The following HIVEP1 variants were observed in gnomAD, a reference collection of about 807,000 sequenced individuals.
HIVEP1 encodes the protein HIVEP zinc finger 1.
HIVEP1 carries 36 observed loss-of-function variants against 180.0 expected under a neutral mutation model. The observed-to-expected ratio is 0.20, with a 90% CI of 0.15 to 0.26. HIVEP1 has a LOEUF of 0.26. Ranked by LOEUF, HIVEP1 falls within the 10% of genes least tolerant of loss-of-function variation. The pLI is 1.00. For missense variants in HIVEP1, 3,143 were observed against 3,268.7 expected, an observed-to-expected ratio of 0.96 and a Z score of 0.94; for synonymous variants, 1,239 against 1,239.0, an observed-to-expected ratio of 1.00 and a Z score of 0.00.
intron 7 of HIVEP1, among the ~76,000 whole-genome samples, chr6:12,159,779 A>G (rs528645025): frequency 4.6e-5 from 7 of 152,348 alleles, no homozygotes; most frequent in Admixed American, 3.3e-4. Flanking sequence ...GCCTTATGAA[A>G]TCACATGCTA....
At chr6:12,168,064 CATATATATGTGT>C (rs1392507001), downstream of HIVEP1, among the ~76,000 whole-genome samples, 12,616 of 21,418 alleles carry the variant, frequency 0.59, 5,273 homozygotes, top group East Asian at 0.89. Context: ...TGTATATATA[CATATATATGTGT>C]ATATATACAT....
In HIVEP1 at chr6:12,017,461, C is replaced by T. The variant is rs117949354; in HGVS notation, c.40+1793C>T. 1.9e-3 allele frequency among the ~76,000 whole-genome samples: 291 copies of T among 152,324 alleles called. 8 individuals carry two copies. The East Asian group carries it at 0.046, about 24-fold the overall frequency. On this transcript the variant is annotated intron_variant, in intron 2 of 8. Coordinates refer to ENST00000379388, the MANE Select transcript of HIVEP1 (RefSeq NM_002114.4). ...ATAAAGGCAGTACAGACTCAAAGAG[C>T]AAGCAGTAGCAAGATTTATTGCAAA...
chr6:12,206,221 C>T, the HIVEP1 span, among the ~76,000 whole-genome samples: 1 of 152,128 alleles, frequency 6.6e-6, no homozygotes, highest in African/African-American at 2.4e-5. Flanking sequence ...GCAACCTCCA[C>T]CTCCTGATTT....
rs896245350 is a variant in HIVEP1 at position 12,125,302 on chromosome 6, C to A, written c.5507C>A (p.Ala1836Asp). ...EAVNLTNVLP[A>D]DNSSTGCSKF... ...GTTAATTTGACAAATGTTTTACCAG[C>A]TGATAATTCATCAACAGGATGCTCT... Residue 1836 changes from alanine (A) to aspartate (D), a missense_variant, in exon 4 of 9, where the codon GCT (alanine) becomes GAT (aspartate). Physicochemically the swap from Ala to Asp is moderately radical, Grantham distance 126. Transcript: ENST00000379388. The A allele has an allele frequency of 6.2e-7, 1 of 1,613,730 alleles. No individual in the cohort carries two copies. The highest frequency in any genetic ancestry group is 1.3e-5 in the African/African-American group (1 of 75,018).
chr6:12,120,046 T>C lies in HIVEP1; in HGVS notation c.251T>C (p.Phe84Ser). Residue 84 changes from phenylalanine to serine, a missense_variant, in exon 4 of 9, where the codon TTC becomes TCC. This residue lies in a region of HIVEP1 where 114 missense variants were observed against 134.5 expected (regional missense o/e 0.85). Coordinates refer to ENST00000379388, the MANE Select transcript of HIVEP1 (RefSeq NM_002114.4). ...AAACAAAATACAGAAGAGTCATCTT[T>C]CGCCGTTCTTCATAGTGCTTCGGAG... ...KHKQNTEESSFAVLHSASESH... is the reference protein window; with the variant it reads ...KHKQNTEESSSAVLHSASESH... 1 of 1,613,104 alleles carries C rather than the reference T, an allele frequency of 6.2e-7. No individual in the cohort carries two copies. Among genetic ancestry groups the C allele is most frequent in the Non-Finnish European group, 8.5e-7 (1 of 1,179,772 alleles).
intron 2 of HIVEP1, among the ~76,000 whole-genome samples, chr6:12,071,873 C>T (rs556962439): frequency 6.6e-6 from 1 of 152,254 alleles, no homozygotes; most frequent in South Asian, 2.1e-4. Context: ...TTTATTTATA[C>T]ATATACTGTA....
chr6:12,167,522 T>C (rs1056638260), downstream of HIVEP1, among the ~76,000 whole-genome samples: 3 of 112,184 alleles, frequency 2.7e-5, no homozygotes, highest in Non-Finnish European at 3.9e-5. Flanking sequence ...AATATGTATT[T>C]TGTAATATAT....
At chr6:12,037,877 C>CTTT in intron 2 of HIVEP1, 3 of 334,056 alleles carry the variant, frequency 9.0e-6, no homozygotes, top group South Asian at 1.3e-4. Flanking sequence ...TGCCTAGCTA[C>CTTT]TTTTTTTTTT....
the HIVEP1 span, among the ~76,000 whole-genome samples, chr6:12,197,955 A>T: frequency 2.0e-5 from 3 of 152,188 alleles, no homozygotes; most frequent in African/African-American, 7.2e-5. Context: ...GGGAGGAGGT[A>T]TAAGGGAACC....
At chr6:12,056,169 A>G (rs1770855610) in intron 2 of HIVEP1, among the ~76,000 whole-genome samples, 2 of 152,170 alleles carry the variant, frequency 1.3e-5, no homozygotes, top group Non-Finnish European at 2.9e-5. Flanking sequence ...GGAGCAGAAA[A>G]TAAGTTTAAA....
At position 12,120,783 on chromosome 6, in the gene HIVEP1, G is replaced by A. The variant is rs1317983052; in HGVS notation, c.988G>A (p.Val330Met). 6.2e-7 allele frequency: 1 copy of A among 1,614,168 alleles called. No individual in the cohort carries two copies. Among genetic ancestry groups the A allele is most frequent in the East Asian group, 2.2e-5 (1 of 44,892 alleles). The change falls in exon 4 of 9, where the codon GTG (valine) becomes ATG (methionine). Residue 330 changes from valine to methionine, a missense_variant. Around this residue, in one of 12 missense-constraint regions of HIVEP1, gnomAD observed 306 missense variants for 310.6 expected, o/e 0.99. Transcript: ENST00000379388. ...ACTTGAACAGGTTTATAATATAGCAGTGACATCATCTGTAGGCCTAACTTC... is the reference window on the plus strand; with the variant it reads ...ACTTGAACAGGTTTATAATATAGCAATGACATCATCTGTAGGCCTAACTTC... ...AKLEQVYNIA[V>M]TSSVGLTSPS...
chr6:12,176,777 G>A, the HIVEP1 span, among the ~76,000 whole-genome samples: 1 of 152,094 alleles, frequency 6.6e-6, no homozygotes, highest in East Asian at 1.9e-4. Flanking sequence ...CTCTCATTCT[G>A]TAGATTGTTT....
rs377092569 is a variant in HIVEP1 at position 12,064,398 on chromosome 6, G to A, written c.41-24786G>A. ...AGCTATTTCAATAAGGTCATCACAA[G>A]CAGAACTTAATGATCGTTTGTTAAC... On this transcript the variant is annotated intron_variant, in intron 2 of 8. Coordinates refer to ENST00000379388, the MANE Select transcript of HIVEP1 (RefSeq NM_002114.4). 7.9e-5 allele frequency among the ~76,000 whole-genome samples: 12 copies of A among 152,280 alleles called. No homozygotes were observed. In the East Asian group the frequency reaches 1.9e-3, roughly 24 times the overall value.
At chr6:12,153,023 T>C (rs1269399263) in intron 7 of HIVEP1, among the ~76,000 whole-genome samples, 1 of 152,234 alleles carries the variant, frequency 6.6e-6, no homozygotes, top group Admixed American at 6.5e-5. Flanking sequence ...CTTCTTGAAA[T>C]GTCTTAACAA....
Position 12,124,674 on chromosome 6 carries a change from G to A in HIVEP1, c.4879G>A (p.Val1627Met). 1 of 1,614,132 alleles carries A rather than the reference G, an allele frequency of 6.2e-7. No homozygotes were observed. Among genetic ancestry groups the A allele is most frequent in the Non-Finnish European group, 8.5e-7 (1 of 1,179,988 alleles). ...PPELRPLGSQVQKVPSSFMLP... is the reference protein window; with the variant it reads ...PPELRPLGSQMQKVPSSFMLP... The stretch of plus-strand genomic sequence containing the variant: ...AGAGCTCAGGCCCCTTGGAAGTCAG[G>A]TGCAGAAGGTGCCATCATCATTCAT... Residue 1627 changes from valine to methionine, a missense_variant, in exon 4 of 9, where the codon GTG becomes ATG. By Grantham distance (21) the Val-to-Met change is conservative. Around this residue, in one of 12 missense-constraint regions of HIVEP1, gnomAD observed 1,357 missense variants for 1,260.5 expected, o/e 1.08. Coordinates refer to ENST00000379388, the MANE Select transcript of HIVEP1 (RefSeq NM_002114.4).
chr6:12,023,448 T>C (rs553756886), intron 2 of HIVEP1, among the ~76,000 whole-genome samples: 1 of 152,324 alleles, frequency 6.6e-6, no homozygotes, highest in South Asian at 2.1e-4. Context: ...AAAAATCTTG[T>C]AGTGGAAACA....
intron 2 of HIVEP1, among the ~76,000 whole-genome samples, chr6:12,065,472 C>T (rs995834521): frequency 3.9e-5 from 6 of 152,258 alleles, no homozygotes; most frequent in Non-Finnish European, 5.9e-5. Context: ...TCAGGCAGGA[C>T]GCCCTTTTGA....
chr6:12,144,693 A>T (rs543905475), intron 7 of HIVEP1, among the ~76,000 whole-genome samples: 12 of 152,358 alleles, frequency 7.9e-5, no homozygotes, highest in African/African-American at 2.9e-4. Context: ...AAACAACCCC[A>T]TCCAAAAGTG....
chr6:12,065,848 C>T (rs1390610315), intron 2 of HIVEP1, among the ~76,000 whole-genome samples: 2 of 152,008 alleles, frequency 1.3e-5, no homozygotes, highest in Admixed American at 6.6e-5. Flanking sequence ...AGCTGATAAA[C>T]GATTAGAAAG....
Sources: allele counts gnomAD v4.1 joint callset (sites outside exome capture counted in the v4.1 genomes callset), GRCh38; gene constraint gnomAD v4.1.1; regional missense constraint gnomAD v4.1.1; transcripts MANE v1.5; gene names NCBI Gene and HGNC (gene_info 2026-07-23, HGNC 2026-07-21).